Variants in LASP1 observed in about 807,000 individuals in gnomAD.
LASP1 encodes the protein LIM and SH3 domain protein 1.
A neutral mutation model predicts 38.6 loss-of-function variants in LASP1; 10 were observed. That is an observed-to-expected ratio of 0.26 (90% confidence interval 0.16 to 0.44). The LOEUF is 0.44. Ranked by LOEUF, LASP1 falls within the 20% of genes least tolerant of loss-of-function variation. The pLI is 1.00. For missense variants in LASP1, 243 were observed against 375.7 expected, an observed-to-expected ratio of 0.65 and a Z score of 2.92; for synonymous variants, 132 against 140.8, an observed-to-expected ratio of 0.94 and a Z score of 0.44.
intron 3 of LASP1, among the ~76,000 whole-genome samples, chr17:38,895,899 C>T (rs546487864): frequency 6.6e-6 from 1 of 152,276 alleles, no homozygotes; most frequent in African/African-American, 2.4e-5. Flanking sequence ...GCAGAGTTTC[C>T]AAAATGGGAG....
At chr17:38,906,902 T>C (rs943929704) in intron 4 of LASP1, among the ~76,000 whole-genome samples, 1 of 152,154 alleles carries the variant, frequency 6.6e-6, no homozygotes, top group Non-Finnish European at 1.5e-5. Context: ...GTGTGGCCTG[T>C]GTCCACAGAG....
chr17:38,910,830 C>T (rs1914918349), intron 4 of LASP1, among the ~76,000 whole-genome samples: 2 of 150,698 alleles, frequency 1.3e-5, no homozygotes, highest in Non-Finnish European at 2.9e-5. Context: ...TCAAGCAATT[C>T]TCGTGCCTCA....
intron 3 of LASP1, among the ~76,000 whole-genome samples, chr17:38,895,331 T>A (rs901532323): frequency 6.6e-6 from 1 of 150,818 alleles, no homozygotes; most frequent in Non-Finnish European, 1.5e-5. Context: ...ATTTTTGTGT[T>A]TTTTTTTTAG....
intron 5 of LASP1, 106 bp downstream of exon 5, chr17:38,914,581 C>G: frequency 2.2e-6 from 3 of 1,363,496 alleles, no homozygotes; most frequent in East Asian, 2.4e-5. Context: ...GAGCCTTGCT[C>G]TTAATCAACA....
At chr17:38,902,544 T>C (rs1354565534) in intron 4 of LASP1, among the ~76,000 whole-genome samples, 1 of 152,040 alleles carries the variant, frequency 6.6e-6, no homozygotes, top group Non-Finnish European at 1.5e-5. Flanking sequence ...TGCTAAGTTG[T>C]CCCAACCTCC....
At chr17:38,915,421 A>C in intron 6 of LASP1, 1 of 329,000 alleles carries the variant, frequency 3.0e-6, no homozygotes, top group Non-Finnish European at 5.7e-6. Flanking sequence ...GGGAACACAC[A>C]AGGCAACTTT....
At chr17:38,917,545 C>T (rs952877368) in intron 6 of LASP1, among the ~76,000 whole-genome samples, 3 of 152,032 alleles carry the variant, frequency 2.0e-5, no homozygotes, top group Non-Finnish European at 4.4e-5. Flanking sequence ...CTGATAGACT[C>T]GTCTTCTGTC....
chr17:38,920,298 G>A lies in LASP1; in HGVS notation c.*1520G>A, dbSNP rs1461979948. The A allele has an allele frequency of 1.2e-5, 5 of 402,188 alleles. No individual in the cohort carries two copies. Among genetic ancestry groups the A allele is most frequent in the African/African-American group, 9.9e-5 (5 of 50,262 alleles). The allele number at this position is 402,188 out of a possible 1,614,324, so 24.9% of individuals were successfully genotyped here. On this transcript the variant is annotated 3_prime_UTR_variant, in exon 7 of 7. Transcript: ENST00000318008. Reference sequence around the variant, plus strand: ...GTCTCCCTCGGGGGCTCTTCCCCTAGACCTCCCCCTCACTTACATAAAGCT... The same window carrying A: ...GTCTCCCTCGGGGGCTCTTCCCCTAAACCTCCCCCTCACTTACATAAAGCT...
At chr17:38,910,453 C>G (rs1018819421) in intron 4 of LASP1, among the ~76,000 whole-genome samples, 1 of 150,376 alleles carries the variant, frequency 6.6e-6, no homozygotes, top group South Asian at 2.1e-4. Flanking sequence ...GTTCTTCTTC[C>G]CCCCCTCCAC....
At chr17:38,890,217 C>T (rs2143767486) in intron 2 of LASP1, 1 of 574,446 alleles carries the variant, frequency 1.7e-6, no homozygotes, top group Non-Finnish European at 3.1e-6. Flanking sequence ...TGCGTCTTCC[C>T]AGGTCAGCCA....
chr17:38,914,860 G>T, intron 5 of LASP1, 183 bp from the exon 6 acceptor site: 1 of 626,016 alleles, frequency 1.6e-6, no homozygotes. Context: ...ATGGGGCTCA[G>T]AGCCCCTGCG....
intron 3 of LASP1, chr17:38,897,162 G>T (rs1405449646): frequency 1.3e-5 from 11 of 838,538 alleles, no homozygotes; most frequent in Admixed American, 6.2e-5. Context: ...AGCCCTTCTT[G>T]TCTGGATCAG....
chr17:38,898,429 G>A lies in LASP1; in HGVS notation c.267G>A (p.Glu89=). 2 of 1,550,552 alleles carry A rather than the reference G, an allele frequency of 1.3e-6. No homozygotes were observed. Among genetic ancestry groups the A allele is most frequent in the Non-Finnish European group, 1.7e-6 (2 of 1,146,006 alleles). The change falls in exon 4 of 7, where the codon GAG becomes GAA. Residue 89 remains glutamate, a synonymous_variant. Coordinates refer to ENST00000318008, the MANE Select transcript of LASP1 (RefSeq NM_006148.4). ...TCCTGCAGGTGCGCTACAAGGAGGA[G>A]TTTGAGAAGAACAAGGGCAAAGGTT... ...ELQSQVRYKE[E]FEKNKGKGFS...
In LASP1 at chr17:38,873,415, C is replaced by T. The variant is rs373105906; in HGVS notation, c.69+3157C>T. Among the ~76,000 whole-genome samples, 30 of 152,214 alleles carry T rather than the reference C, an allele frequency of 2.0e-4. 1 individual carries two copies. The highest frequency in any genetic ancestry group is 3.4e-4 in the Non-Finnish European group (23 of 68,040). ...TGTATTCGCTCTTGTAAACGATGCA[C>T]TCCATAAATGGAGGCTCAGGTAGCC... On this transcript the variant is annotated intron_variant, in intron 1 of 6. Transcript: ENST00000318008.
At chr17:38,898,214 G>C (rs1449297009) in intron 3 of LASP1, among the ~76,000 whole-genome samples, 198 bp from the exon 4 acceptor site, 1 of 152,238 alleles carries the variant, frequency 6.6e-6, no homozygotes, top group Non-Finnish European at 1.5e-5. Context: ...GTGCACCAAA[G>C]ACTTGGTAGT....
At chr17:38,887,963 C>A (rs555353012) in intron 2 of LASP1, among the ~76,000 whole-genome samples, 7 of 152,230 alleles carry the variant, frequency 4.6e-5, no homozygotes, top group Non-Finnish European at 8.8e-5. Context: ...AGGAAGAGGT[C>A]CCAGGAGGCC....
chr17:38,921,429 C>T lies in LASP1; in HGVS notation c.*2651C>T. 4.3e-6 allele frequency: 1 copy of T among 232,682 alleles called. No individual in the cohort carries two copies. The highest frequency in any genetic ancestry group is 6.1e-5 in the East Asian group (1 of 16,462). The allele number at this position is 232,682 out of a possible 1,614,324, so 14.4% of individuals were successfully genotyped here. On this transcript the variant is annotated 3_prime_UTR_variant, in exon 7 of 7. Coordinates refer to ENST00000318008, the MANE Select transcript of LASP1 (RefSeq NM_006148.4). ...TTATTGCTTAATTTCTGCCTTTCCC[C>T]CCTCACACATGCACTTTTGGGCCTT... is the stretch of plus-strand genomic sequence containing the variant.
chr17:38,875,827 C>G (rs969259130), intron 1 of LASP1, among the ~76,000 whole-genome samples: 1 of 152,172 alleles, frequency 6.6e-6, no homozygotes, highest in Non-Finnish European at 1.5e-5. Flanking sequence ...TGAAAAGCAT[C>G]GCCTTGGGGG....
Position 38,918,417 on chromosome 17 carries a change from A to G in LASP1, c.613-188A>G, listed in dbSNP as rs1048517413. Among the ~76,000 whole-genome samples the G allele has an allele frequency of 7.9e-5, 12 of 152,172 alleles. No homozygotes were observed. The highest frequency in any genetic ancestry group is 2.9e-4 in the African/African-American group (12 of 41,430). On this transcript the variant is annotated intron_variant, in intron 6 of 6. Coordinates refer to ENST00000318008, the MANE Select transcript of LASP1 (RefSeq NM_006148.4). The surrounding 1 kb of genome is among the most constrained non-coding windows in gnomAD (Gnocchi z 4.4). ...GCCCTTAGTAGCTGCCAAAGGTTGT[A>G]AAAGATCGATTGCTCTCAGAAAGCA...
Sources: gnomAD v4.1 joint callset for allele counts (sites outside exome capture counted in the v4.1 genomes callset) on GRCh38, gnomAD v4.1.1 for gene constraint, Gnocchi (gnomAD v3.1) non-coding constraint, MANE v1.5 for transcripts, NCBI Gene and HGNC (gene_info 2026-07-23, HGNC 2026-07-21) for gene names.